Variants in CTNNA2 observed in about 807,000 individuals in gnomAD.
CTNNA2 encodes the protein catenin alpha-2.
In CTNNA2, 42 loss-of-function variants were observed where a neutral mutation model predicts 101.0. The observed-to-expected ratio is 0.42, with a 90% CI of 0.32 to 0.54. The LOEUF (loss-of-function observed/expected upper bound fraction) is 0.54, where lower values mean the gene tolerates loss of function less well. Among genes scored for constraint, CTNNA2 ranks in the 20% least tolerant of loss-of-function variants. The pLI, the probability that CTNNA2 is intolerant of heterozygous loss-of-function variation, is 0.14. For missense variants in CTNNA2, 871 were observed against 1,223.1 expected (o/e 0.71, Z 4.29); for synonymous variants, 450 against 456.4 (o/e 0.99, Z 0.18).
chr2:79,373,344 G>A (rs145902296), intron 3 of CTNNA2, among the ~76,000 whole-genome samples: 2 of 152,258 alleles, frequency 1.3e-5, no homozygotes, highest in African/African-American at 4.8e-5. Flanking sequence ...TATTTTTAAA[G>A]TATTCCTGCC....
intron 7 of CTNNA2, among the ~76,000 whole-genome samples, chr2:80,291,908 A>T (rs1200453014): frequency 6.6e-6 from 1 of 152,190 alleles, no homozygotes; most frequent in Non-Finnish European, 1.5e-5. Flanking sequence ...AACCAGAACA[A>T]AGTCAGTGAG....
At chr2:79,425,109 G>A (rs552429699) in intron 4 of CTNNA2, among the ~76,000 whole-genome samples, 72 of 152,200 alleles carry the variant, frequency 4.7e-4, no homozygotes, top group Middle Eastern at 3.4e-3. Flanking sequence ...GTGTGTAAAG[G>A]CAATAAAAAA....
At chr2:80,517,738 A>T (rs999870499) in intron 9 of CTNNA2, among the ~76,000 whole-genome samples, 2 of 152,142 alleles carry the variant, frequency 1.3e-5, no homozygotes, top group Non-Finnish European at 2.9e-5. Flanking sequence ...GGGCCACATA[A>T]CCCCAAATCG....
At chr2:79,340,262 T>C (rs893940820) in intron 3 of CTNNA2, 5 of 152,272 alleles carry the variant, frequency 3.3e-5, no homozygotes, top group African/African-American at 7.2e-5. Flanking sequence ...AAAAACACTT[T>C]CTAGGCATGA....
chr2:79,948,024 T>G (rs906698180), intron 7 of CTNNA2, among the ~76,000 whole-genome samples: 2 of 152,122 alleles, frequency 1.3e-5, no homozygotes, highest in East Asian at 3.9e-4. Flanking sequence ...TCTGGCTAGG[T>G]CATGTGGTAA....
intron 1 of CTNNA2, among the ~76,000 whole-genome samples, chr2:79,580,389 G>A (rs984822056): frequency 4.6e-5 from 7 of 152,160 alleles, no homozygotes; most frequent in Admixed American, 6.5e-5. Context: ...AAGCCGGAAT[G>A]ACTCTTAGCT....
chr2:79,219,889 G>C (rs926197703), intron 2 of CTNNA2, among the ~76,000 whole-genome samples: 1 of 152,092 alleles, frequency 6.6e-6, no homozygotes, highest in African/African-American at 2.4e-5. Context: ...GGACCTTTTG[G>C]CACCTGAAAT....
intron 3 of CTNNA2, among the ~76,000 whole-genome samples, chr2:79,816,137 G>T (rs1677473216): frequency 6.6e-6 from 1 of 152,022 alleles, no homozygotes; most frequent in Non-Finnish European, 1.5e-5. Context: ...GTTTTTATCA[G>T]TTCTAGGAGC....
At chr2:80,530,154 G>GA (rs1184191696) in intron 9 of CTNNA2, among the ~76,000 whole-genome samples, 2 of 151,808 alleles carry the variant, frequency 1.3e-5, no homozygotes, top group Non-Finnish European at 2.9e-5. Flanking sequence ...GGTCACCTTG[G>GA]AAAAAAAGGG....
chr2:80,360,899 C>G (rs1674338438), intron 7 of CTNNA2, among the ~76,000 whole-genome samples: 1 of 151,712 alleles, frequency 6.6e-6, no homozygotes, highest in South Asian at 2.1e-4. Flanking sequence ...TTGATACTTG[C>G]TATTGATTAT....
At chr2:79,972,013 T>G (rs1690521247) in intron 7 of CTNNA2, among the ~76,000 whole-genome samples, 1 of 152,174 alleles carries the variant, frequency 6.6e-6, no homozygotes, top group East Asian at 1.9e-4. Flanking sequence ...TGCCAAGGCT[T>G]CTTATGGCTT....
At chr2:80,466,606 TCTTCAAAAAAAAATCTTA>T (rs1684874836) in intron 9 of CTNNA2, among the ~76,000 whole-genome samples, 1 of 152,140 alleles carries the variant, frequency 6.6e-6, no homozygotes, top group Admixed American at 6.5e-5. Context: ...TCCACATATT[TCTTCAAAAAAAAATCTTA>T]CTTCAATTTG....
intron 7 of CTNNA2, among the ~76,000 whole-genome samples, chr2:80,000,928 C>T (rs146365841): frequency 9.3e-4 from 141 of 152,246 alleles, no homozygotes; most frequent in African/African-American, 3.1e-3. Flanking sequence ...CCCAAATGGC[C>T]TCATTGGGAT....
At chr2:79,336,600 T>C (rs979308474) in intron 3 of CTNNA2, among the ~76,000 whole-genome samples, 1 of 152,174 alleles carries the variant, frequency 6.6e-6, no homozygotes, top group African/African-American at 2.4e-5. Flanking sequence ...CTGGCATTAA[T>C]ATCCCTATTA....
chr2:80,463,724 C>T (rs2149476068), intron 9 of CTNNA2, among the ~76,000 whole-genome samples: 1 of 152,126 alleles, frequency 6.6e-6, no homozygotes, highest in Admixed American at 6.6e-5. Flanking sequence ...CTTCATATTG[C>T]TATTTTACAG....
intron 3 of CTNNA2, among the ~76,000 whole-genome samples, chr2:79,744,806 A>G (rs1033202983): frequency 1.3e-5 from 2 of 152,168 alleles, no homozygotes; most frequent in African/African-American, 4.8e-5. Flanking sequence ...TGTTACGTCA[A>G]ATCTTCAAGA....
At chr2:79,242,505 T>C (rs1385759981) in intron 2 of CTNNA2, among the ~76,000 whole-genome samples, 3 of 152,126 alleles carry the variant, frequency 2.0e-5, no homozygotes, top group Non-Finnish European at 2.9e-5. Flanking sequence ...TGGAAATAAA[T>C]TGCCAATATT....
At position 80,508,415 on chromosome 2, in the gene CTNNA2, G is replaced by C. The variant is rs182382689; in HGVS notation, c.1291-36567G>C. ...CACAAGAATAGCTTGAACCCAGGAG[G>C]TAGAGGTTTCAGTTAGCCCAGATCT... On this transcript the variant is annotated intron_variant, in intron 9 of 18. Transcript: ENST00000402739. 4.1e-4 allele frequency among the ~76,000 whole-genome samples: 62 copies of C among 152,270 alleles called. 1 individual carries two copies. The East Asian group carries it at 0.012, about 29-fold the overall frequency.
At position 80,156,044 on chromosome 2, in the gene CTNNA2, T is replaced by A. The variant is rs111943009; in HGVS notation, c.1057-237167T>A. ...GATTCAGTAGGTTGTAGGGTGAGAC[T>A]GAGATTCTACATTTCTAACAAGCTC... On this transcript the variant is annotated intron_variant, in intron 7 of 18. Transcript: ENST00000402739. 2.9e-3 allele frequency among the ~76,000 whole-genome samples: 440 copies of A among 152,312 alleles called. 1 individual carries two copies. The highest frequency in any genetic ancestry group is 0.01 in the African/African-American group (425 of 41,574).
Sources: gnomAD v4.1 joint callset for allele counts (sites outside exome capture counted in the v4.1 genomes callset) on GRCh38, gnomAD v4.1.1 for gene constraint, MANE v1.5 for transcripts, NCBI Gene and HGNC (gene_info 2026-07-23, HGNC 2026-07-21) for gene names.